The following ARHGAP8 variants were observed in gnomAD, a reference collection of about 807,000 sequenced individuals.
The protein encoded by ARHGAP8 is rho GTPase-activating protein 8.
ARHGAP8 carries 62 observed loss-of-function variants against 46.1 expected under a neutral mutation model. The ratio of observed to expected loss-of-function variants is 1.34; its 90% CI spans 1.10 to 1.66. The LOEUF (loss-of-function observed/expected upper bound fraction) is 1.66, where lower values mean the gene tolerates loss of function less well. ARHGAP8 is among the 40% of genes most tolerant of loss of function. ARHGAP8 has a pLI of 0.00. For missense variants in ARHGAP8, 923 were observed against 568.4 expected (o/e 1.62, Z -6.34); for synonymous variants, 375 against 243.1 (o/e 1.54, Z -5.05).
chr22:44,780,909 C>G (rs1453108252), intron 1 of ARHGAP8, among the ~76,000 whole-genome samples: 1 of 152,118 alleles, frequency 6.6e-6, no homozygotes, highest in East Asian at 1.9e-4. Flanking sequence ...TCCCATTTTA[C>G]AGAAAAATAA....
In ARHGAP8 at chr22:44,790,676, CA is replaced by C. The variant is rs369579126; in HGVS notation, c.79+4093del. On this transcript the variant is annotated intron_variant, in intron 2 of 11. Transcript: ENST00000356099. Reference sequence around the variant, plus strand: ...GGACAACAAGAGCAAAACTCTGTCTCAAAAAAAAAAAAAAAAAAAAAAAGAG... The same window carrying C: ...GGACAACAAGAGCAAAACTCTGTCTCAAAAAAAAAAAAAAAAAAAAAAGAG... Among the ~76,000 whole-genome samples the C allele has an allele frequency of 2.4e-3, 119 of 49,610 alleles. 1 individual carries two copies. The highest frequency in any genetic ancestry group is 0.028 in the Middle Eastern group (1 of 36). 32.5% of individuals were successfully genotyped at this position (49,610 alleles called of 152,430 possible). A position where few individuals can be genotyped will look rare whatever the true frequency, so the allele number is the denominator to read the frequency against.
Position 44,825,541 on chromosome 22 carries a change from C to A in ARHGAP8, c.544C>A (p.Pro182Thr), listed in dbSNP as rs953896160. Residue 182 changes from proline to threonine, a missense_variant, in exon 7 of 12, where the codon CCA becomes ACA. Transcript: ENST00000356099. ...EGRTPPPTKT[P>T]PPRPPLPTQQ... ...CCGGACGCCGCCTCCCACCAAGACA[C>A]CACCGCCGCGGCCCCCGCTGCCCAC... The A allele has an allele frequency of 5.0e-6, 8 of 1,613,552 alleles. No homozygotes were observed. Among genetic ancestry groups the A allele is most frequent in the East Asian group, 2.2e-5 (1 of 44,828 alleles).
At chr22:44,795,951 T>C (rs1044518153) in intron 2 of ARHGAP8, among the ~76,000 whole-genome samples, 1 of 152,140 alleles carries the variant, frequency 6.6e-6, no homozygotes, top group Admixed American at 6.5e-5. Context: ...CTTGCCACTG[T>C]CCCTGGGATC....
chr22:44,817,628 AC>A (rs1443393553), intron 5 of ARHGAP8, among the ~76,000 whole-genome samples: 1 of 151,870 alleles, frequency 6.6e-6, no homozygotes, highest in Non-Finnish European at 1.5e-5. Context: ...ACATGGCAAA[AC>A]CCCGTCTCTA....
At chr22:44,811,064 C>T (rs1161249483) in intron 4 of ARHGAP8, among the ~76,000 whole-genome samples, 1 of 152,236 alleles carries the variant, frequency 6.6e-6, no homozygotes, top group Admixed American at 6.5e-5. Context: ...TCCCCCACTT[C>T]TCAGTTGCCA....
intron 2 of ARHGAP8, among the ~76,000 whole-genome samples, chr22:44,797,507 T>C (rs1433596394): frequency 6.6e-6 from 1 of 152,196 alleles, no homozygotes; most frequent in Admixed American, 6.5e-5. Context: ...CAAATAAAAG[T>C]GTGGCTTGCA....
In ARHGAP8 at chr22:44,831,375, C is replaced by T. The variant is rs906979476; in HGVS notation, c.596+5782C>T. 3.9e-5 allele frequency among the ~76,000 whole-genome samples: 6 copies of T among 152,204 alleles called. No homozygotes were observed. In the South Asian group the frequency reaches 1.0e-3, roughly 26 times the overall value. On this transcript the variant is annotated intron_variant, in intron 7 of 11. Transcript: ENST00000356099. ...AGGTGAGGTCTGATTTGCTTCTTTG[C>T]GTGTTGTTACAGCACCACTTGTTGA... is the stretch of plus-strand genomic sequence containing the variant.
chr22:44,778,839 T>C lies in ARHGAP8; in HGVS notation c.-71-7618T>C, dbSNP rs1274224734. 2.0e-5 allele frequency among the ~76,000 whole-genome samples: 3 copies of C among 152,268 alleles called. No homozygotes were observed. The East Asian group carries it at 5.8e-4, about 29-fold the overall frequency. On this transcript the variant is annotated intron_variant, in intron 1 of 11. Transcript: ENST00000356099. ...GATTCATTTCTGCCCCCAGTTCTAATGGTCAGCCCTCCTCTCTCTCTAACC... is the reference window on the plus strand; with the variant it reads ...GATTCATTTCTGCCCCCAGTTCTAACGGTCAGCCCTCCTCTCTCTCTAACC...
chr22:44,849,276 C>A, intron 10 of ARHGAP8: 3 of 868,316 alleles, frequency 3.5e-6, no homozygotes, highest in Non-Finnish European at 5.1e-6. Flanking sequence ...GAGGTGGGGT[C>A]GGTCAGGGTT....
rs768733676 is a variant in ARHGAP8, at chr22:44,857,210, T to G, written c.878-2521T>G. Among the ~76,000 whole-genome samples the G allele has an allele frequency of 3.2e-4, 35 of 110,344 alleles. 2 individuals carry two copies. Among genetic ancestry groups the G allele is most frequent in the African/African-American group, 3.7e-4 (8 of 21,646 alleles). The allele number at this position is 110,344 out of a possible 152,430, so 72.4% of individuals were successfully genotyped here. On this transcript the variant is annotated intron_variant, in intron 10 of 11. Transcript: ENST00000356099. ...CCACCTCGGCCTCTGAAAGTGCTGG[T>G]ATTATAGGTGTGAGCCACCACGACC...
In ARHGAP8 at chr22:44,823,644, TC is replaced by T. The variant is rs1569163750; in HGVS notation, c.485+1177del. On this transcript the variant is annotated intron_variant, in intron 6 of 11. Transcript: ENST00000356099. The stretch of plus-strand genomic sequence containing the variant: ...CCACTCCCAGACCTCACTAAAGTGA[TC>T]CGGGGGAGTCCATGGAGACGGCTCA... Among the ~76,000 whole-genome samples, 6 of 152,166 alleles carry T rather than the reference TC, an allele frequency of 3.9e-5. 1 individual carries two copies.
intron 2 of ARHGAP8, 24 bp downstream of exon 2, chr22:44,786,630 G>A (rs983987479): frequency 3.1e-6 from 5 of 1,608,272 alleles, no homozygotes; most frequent in Non-Finnish European, 3.4e-6. Flanking sequence ...TGGGCAGTCT[G>A]CAGGACCATG....
chr22:44,837,490 G>A (rs758631300), intron 7 of ARHGAP8, among the ~76,000 whole-genome samples: 3 of 152,192 alleles, frequency 2.0e-5, no homozygotes, highest in Non-Finnish European at 2.9e-5. Context: ...TGCAGTTTGT[G>A]CATCCTTGCT....
chr22:44,850,431 A>C (rs552983031), intron 10 of ARHGAP8: 1 of 152,324 alleles, frequency 6.6e-6, no homozygotes, highest in South Asian at 2.1e-4. Context: ...CCGGGGCCAG[A>C]GCAGGCAAGA....
chr22:44,780,788 A>G (rs565754812), intron 1 of ARHGAP8, among the ~76,000 whole-genome samples: 1 of 152,334 alleles, frequency 6.6e-6, no homozygotes, highest in South Asian at 2.1e-4. Flanking sequence ...TGCTTTATGC[A>G]GATTTAAATA....
intron 5 of ARHGAP8, 80 bp from the exon 6 acceptor site, chr22:44,822,291 A>C: frequency 5.3e-6 from 6 of 1,132,854 alleles, no homozygotes; most frequent in East Asian, 2.7e-5. Context: ...TCTGCCGCCA[A>C]CTCCCCCTCC....
At position 44,764,543 on chromosome 22, in the gene ARHGAP8, G is replaced by C. The variant is rs539263700; in HGVS notation, c.-72+11916G>C. ...TTCCCTGCATGTTCTGAGTCATGCA[G>C]GTTCTCTGCTGGAGCCGAGAGACCT... On this transcript the variant is annotated intron_variant, in intron 1 of 11. Coordinates refer to ENST00000356099, the MANE Select transcript of ARHGAP8 (RefSeq NM_181335.3). 5.3e-5 allele frequency among the ~76,000 whole-genome samples: 8 copies of C among 152,356 alleles called. No homozygotes were observed. The East Asian group carries it at 1.4e-3, about 26-fold the overall frequency.
chr22:44,810,062 G>A (rs1602208429), intron 4 of ARHGAP8, among the ~76,000 whole-genome samples: 1 of 152,194 alleles, frequency 6.6e-6, no homozygotes, highest in Admixed American at 6.5e-5. Flanking sequence ...AGGCTTCCTG[G>A]GTTGTCCTGG....
intron 1 of ARHGAP8, among the ~76,000 whole-genome samples, chr22:44,783,425 C>A (rs932990950): frequency 6.6e-6 from 1 of 152,286 alleles, no homozygotes; most frequent in South Asian, 2.1e-4. Context: ...AAGAGCTCGG[C>A]CCCCACAGGC....
Sources: allele counts gnomAD v4.1 joint callset (sites outside exome capture counted in the v4.1 genomes callset), GRCh38; gene constraint gnomAD v4.1.1; transcripts MANE v1.5; gene names NCBI Gene and HGNC (gene_info 2026-07-23, HGNC 2026-07-21).